The following TP73 variants were observed in gnomAD, a reference collection of about 807,000 sequenced individuals.
TP73 encodes the protein tumor protein p73, also known as p53-like transcription factor.
In TP73, 25 loss-of-function variants were observed where a neutral mutation model predicts 62.5. The observed-to-expected ratio is 0.40, with a 90% CI of 0.29 to 0.56. TP73 has a LOEUF of 0.56. TP73 is among the 20% of genes least tolerant of loss of function. TP73 has a pLI of 0.46. For missense variants in TP73, 754 were observed against 913.3 expected (o/e 0.83, Z 2.25); for synonymous variants, 423 against 377.5 (o/e 1.12, Z -1.40).
chr1:3,676,543 G>A (rs1013887259), intron 1 of TP73, among the ~76,000 whole-genome samples: 11 of 151,980 alleles, frequency 7.2e-5, no homozygotes, highest in East Asian at 1.9e-4. Flanking sequence ...TATGGAAGAC[G>A]AGGCCAGAGG....
intron 1 of TP73, among the ~76,000 whole-genome samples, chr1:3,673,390 G>A (rs745777555): frequency 2.0e-4 from 31 of 152,186 alleles, no homozygotes; most frequent in Non-Finnish European, 3.7e-4. Flanking sequence ...CTAAATAACC[G>A]TCGGTCAATG....
At position 3,735,118 on chromosome 1, in the gene TP73, G is replaced by A. The variant is rs1642385054; in HGVS notation, c.*2039G>A. ...TAGATGAGGAAGCTGAGACCAGAAA[G>A]GCTAAGACCCATGCCCCAGGCACCA... On this transcript the variant is annotated 3_prime_UTR_variant, in exon 14 of 14. Transcript: ENST00000378295. 6.6e-6 allele frequency: 1 copy of A among 152,258 alleles called. No homozygotes were observed. Among genetic ancestry groups the A allele is most frequent in the South Asian group, 2.1e-4 (1 of 4,834 alleles). The allele number at this position is 152,258 out of a possible 1,614,324, so 9.4% of individuals were successfully genotyped here.
intron 1 of TP73, among the ~76,000 whole-genome samples, chr1:3,673,986 C>G (rs768755012): frequency 6.6e-6 from 1 of 152,176 alleles, no homozygotes; most frequent in Non-Finnish European, 1.5e-5. Context: ...TCCACCCTGA[C>G]CAGCTGTGTG....
intron 1 of TP73, among the ~76,000 whole-genome samples, chr1:3,656,161 C>T (rs1035648385): frequency 7.5e-5 from 11 of 147,300 alleles, no homozygotes; most frequent in East Asian, 2.0e-4. Flanking sequence ...GGCGACAGAG[C>T]GAGACTACGT....
intron 6 of TP73, among the ~76,000 whole-genome samples, chr1:3,723,882 G>A (rs185922347): frequency 1.4e-4 from 21 of 152,286 alleles, no homozygotes; most frequent in Admixed American, 1.2e-3. Flanking sequence ...CAGCAACAGC[G>A]CCTGAAGGGG....
chr1:3,665,996 A>T (rs543244516), intron 1 of TP73, among the ~76,000 whole-genome samples: 5 of 151,310 alleles, frequency 3.3e-5, no homozygotes, highest in African/African-American at 7.3e-5. Context: ...TTAGCTGGGT[A>T]TAGTAATTCC....
At chr1:3,715,137 TATTGTCC>T (rs1640486015) in intron 4 of TP73, among the ~76,000 whole-genome samples, 1 of 152,160 alleles carries the variant, frequency 6.6e-6, no homozygotes, top group South Asian at 2.1e-4. Context: ...TCTCAGTCTC[TATTGTCC>T]ATGGAGACCC....
chr1:3,694,825 A>C (rs1232255298), intron 3 of TP73, among the ~76,000 whole-genome samples: 1 of 102,298 alleles, frequency 9.8e-6, no homozygotes, highest in African/African-American at 4.5e-5. Flanking sequence ...AATCCCACCC[A>C]TGCAGCCTCA....
In TP73 at chr1:3,662,494, G is replaced by A. The variant is rs995395471; in HGVS notation, c.-34+9853G>A. 5.9e-5 allele frequency among the ~76,000 whole-genome samples: 9 copies of A among 152,162 alleles called. No individual in the cohort carries two copies. The highest frequency in any genetic ancestry group is 1.4e-4 in the African/African-American group (6 of 41,432). On this transcript the variant is annotated intron_variant, in intron 1 of 13. Coordinates refer to ENST00000378295, the MANE Select transcript of TP73 (RefSeq NM_005427.4). The surrounding 1 kb of genome is among the most constrained non-coding windows in gnomAD (Gnocchi z 4.4). ...TGGTGAATGAAGGTGGTTTCGTCACGCGGACATGCGTCTCTCAGGCGATCA... is the reference window on the plus strand; with the variant it reads ...TGGTGAATGAAGGTGGTTTCGTCACACGGACATGCGTCTCTCAGGCGATCA...
intron 11 of TP73, 75 bp downstream of exon 11, chr1:3,730,223 C>A: frequency 7.2e-7 from 1 of 1,391,206 alleles, no homozygotes; most frequent in East Asian, 2.6e-5. Context: ...CAGGACACAC[C>A]ACCCAGCTCG....
intron 3 of TP73, among the ~76,000 whole-genome samples, chr1:3,690,433 G>A (rs903634189): frequency 6.6e-6 from 1 of 152,194 alleles, no homozygotes; most frequent in East Asian, 1.9e-4. Context: ...TCATGCCTGG[G>A]AACAGAGGCT....
Position 3,733,119 on chromosome 1 carries a change from C to T in TP73, c.*40C>T. ...TGCAGCCTGCGCCACCGCCCAGAGA[C>T]CCAAGCTGCCTCCCCTCTCCTTCCT... On this transcript the variant is annotated 3_prime_UTR_variant, in exon 14 of 14. Transcript: ENST00000378295. 1.3e-6 allele frequency: 2 copies of T among 1,490,124 alleles called. No individual in the cohort carries two copies. The highest frequency in any genetic ancestry group is 1.8e-6 in the Non-Finnish European group (2 of 1,118,726). The allele number at this position is 1,490,124 out of a possible 1,614,324, so 92.3% of individuals were successfully genotyped here. A position where few individuals can be genotyped will look rare whatever the true frequency, so the allele number is the denominator to read the frequency against.
rs367927499 is a variant in TP73 at position 3,662,716 on chromosome 1, C to T, written c.-34+10075C>T. On this transcript the variant is annotated intron_variant, in intron 1 of 13. Coordinates refer to ENST00000378295, the MANE Select transcript of TP73 (RefSeq NM_005427.4). This position sits in a 1 kb window ranked among gnomAD's most constrained non-coding sequence, Gnocchi z 4.4. ...CATGTTTTGGGGTGGGGTGGCGTGT[C>T]CTGAGCCCCAACCCAGGTGTCAGGG... Among the ~76,000 whole-genome samples the T allele has an allele frequency of 4.6e-5, 7 of 152,284 alleles. 1 individual carries two copies. The highest frequency in any genetic ancestry group is 1.7e-4 in the African/African-American group (7 of 41,568).
In TP73 at chr1:3,676,710, G is replaced by T. The variant is rs115453068; in HGVS notation, c.-33-5623G>T. On this transcript the variant is annotated intron_variant, in intron 1 of 13. Coordinates refer to ENST00000378295, the MANE Select transcript of TP73 (RefSeq NM_005427.4). ...CTCAGCCCTCAGTAGCTTTGGGCCAGCCACTGGGCCTCCTGGCCTCCACTT... is the reference window on the plus strand; with the variant it reads ...CTCAGCCCTCAGTAGCTTTGGGCCATCCACTGGGCCTCCTGGCCTCCACTT... Among the ~76,000 whole-genome samples, 1,334 of 152,118 alleles carry T rather than the reference G, an allele frequency of 8.8e-3. 17 individuals carry two copies. The highest frequency in any genetic ancestry group is 0.03 in the African/African-American group (1,240 of 41,462).
intron 2 of TP73, among the ~76,000 whole-genome samples, chr1:3,682,836 A>C (rs1645556794): frequency 6.6e-6 from 1 of 152,202 alleles, no homozygotes; most frequent in Admixed American, 6.5e-5. Context: ...TGGCCAGCAG[A>C]GGCCCAGAAT....
rs1302491849 is a variant in TP73 at position 3,721,438 on chromosome 1, G to A, written c.430-583G>A. ...GGCCCCAGCAGGAGAGGGTGTCAGA[G>A]TCACCAGGGCTGCTGAGGCCATGAG... On this transcript the variant is annotated intron_variant, in intron 4 of 13. Transcript: ENST00000378295. 4.6e-5 allele frequency among the ~76,000 whole-genome samples: 7 copies of A among 152,360 alleles called. No individual in the cohort carries two copies. In the East Asian group the frequency reaches 1.4e-3, roughly 29 times the overall value.
At chr1:3,712,262 T>C (rs1423418135) in intron 4 of TP73, 2 of 152,228 alleles carry the variant, frequency 1.3e-5, no homozygotes, top group Non-Finnish European at 2.9e-5. Context: ...ACAAGAGTAC[T>C]TAGGGCGAAA....
chr1:3,705,625 G>A (rs1193222892), intron 3 of TP73, among the ~76,000 whole-genome samples: 3 of 152,248 alleles, frequency 2.0e-5, no homozygotes, highest in African/African-American at 7.2e-5. Flanking sequence ...AGCACACAGG[G>A]AGAGGGCCTG....
chr1:3,658,210 C>T (rs1429524152), intron 1 of TP73, among the ~76,000 whole-genome samples: 4 of 152,142 alleles, frequency 2.6e-5, no homozygotes, highest in African/African-American at 4.8e-5. Context: ...GGACAGTGGC[C>T]GGAAGATTCC....
Sources: allele counts gnomAD v4.1 joint callset (sites outside exome capture counted in the v4.1 genomes callset), GRCh38; gene constraint gnomAD v4.1.1; non-coding constraint Gnocchi (gnomAD v3.1); transcripts MANE v1.5; gene names NCBI Gene and HGNC (gene_info 2026-07-23, HGNC 2026-07-21).